Variants in PNPLA6 observed in about 807,000 individuals in gnomAD.
PNPLA6 encodes patatin like domain 6, lysophospholipase, also known as patatin-like phospholipase domain-containing protein 6.
In PNPLA6, 105 loss-of-function variants were observed where a neutral mutation model predicts 153.7. The ratio of observed to expected loss-of-function variants is 0.68; its 90% CI spans 0.58 to 0.80. The LOEUF is 0.80. Among genes scored for constraint, PNPLA6 ranks in the 30% least tolerant of loss-of-function variants. The pLI, the probability that PNPLA6 is intolerant of heterozygous loss-of-function variation, is 0.00. For missense variants in PNPLA6, 1,423 were observed against 1,919.3 expected, an observed-to-expected ratio of 0.74 and a Z score of 4.83; for synonymous variants, 825 against 822.2, an observed-to-expected ratio of 1.00 and a Z score of -0.06.
intron 21 of PNPLA6, 69 bp from the exon 22 acceptor site, chr19:7,554,823 CG>C: frequency 1.3e-6 from 2 of 1,569,522 alleles, no homozygotes; most frequent in Non-Finnish European, 1.7e-6. Context: ...TGGGGGTAGG[CG>C]ATCAGGGACC....
At position 7,560,674 on chromosome 19, in the gene PNPLA6, G is replaced by T. The variant is rs146121276; in HGVS notation, c.3726G>T (p.Ala1242=). ...ATGTGGGCTACCAGTACGGGAAGGC[G>T]GTGTTTGGAGGCTGGAGCCGTGGCA... ...IYDVGYQYGK[A]VFGGWSRGNV... The change falls in exon 29 of 32, where the codon GCG becomes GCT. Residue 1242 remains alanine, a synonymous_variant. Transcript: ENST00000600737. The T allele has an allele frequency of 3.2e-5, 51 of 1,613,516 alleles. No individual in the cohort carries two copies. The highest frequency in any genetic ancestry group is 1.6e-4 in the Middle Eastern group (1 of 6,084).
Position 7,540,099 on chromosome 19 carries a change from G to A in PNPLA6, c.554+41G>A, listed in dbSNP as rs375141952. 3 of 1,613,724 alleles carry A rather than the reference G, an allele frequency of 1.9e-6. No homozygotes were observed. The highest frequency in any genetic ancestry group is 2.5e-6 in the Non-Finnish European group (3 of 1,180,002). On this transcript the variant is annotated intron_variant, in intron 4 of 31. Coordinates refer to ENST00000600737, the MANE Select transcript of PNPLA6 (RefSeq NM_001166114.2). This position sits in a 1 kb window ranked among gnomAD's most constrained non-coding sequence, Gnocchi z 6.8. ...CAGGTGGGGGTGGAGGGCTGCAGACGTGGGGCCGCCCTGACCTCCAGCCTC... is the reference window on the plus strand; with the variant it reads ...CAGGTGGGGGTGGAGGGCTGCAGACATGGGGCCGCCCTGACCTCCAGCCTC...
chr19:7,552,323 T>C (rs541282640), intron 18 of PNPLA6, among the ~76,000 whole-genome samples: 1 of 152,282 alleles, frequency 6.6e-6, no homozygotes, highest in South Asian at 2.1e-4. Flanking sequence ...CCTGAGTTTC[T>C]ACATTGTGGT....
chr19:7,557,363 C>T, intron 27 of PNPLA6, 79 bp downstream of exon 27: 1 of 921,340 alleles, frequency 1.1e-6, no homozygotes, highest in Non-Finnish European at 1.8e-6. Context: ...CACACACAGA[C>T]AGGCTCGATG....
chr19:7,548,883 A>C (rs1184373820), intron 13 of PNPLA6, among the ~76,000 whole-genome samples: 1 of 149,042 alleles, frequency 6.7e-6, no homozygotes, highest in Non-Finnish European at 1.5e-5. Context: ...GCTCACTGCA[A>C]GCTCCTCCTC....
chr19:7,542,620 G>T lies in PNPLA6; in HGVS notation c.1312G>T (p.Val438Leu), dbSNP rs752915572. 5 of 1,613,614 alleles carry T rather than the reference G, an allele frequency of 3.1e-6. No individual in the cohort carries two copies. The highest frequency in any genetic ancestry group is 4.2e-6 in the Non-Finnish European group (5 of 1,179,996). The change falls in exon 11 of 32, where the codon GTG becomes TTG. Residue 438 changes from valine to leucine, a missense_variant. Val to Leu is a conservative substitution (Grantham distance 32). This residue lies in a region of PNPLA6 where 267 missense variants were observed against 255.1 expected (regional missense o/e 1.05). Coordinates refer to ENST00000600737, the MANE Select transcript of PNPLA6 (RefSeq NM_001166114.2). ...DMAYERGRIS[V>L]SLQEEASGGS... ...GGCCTATGAGCGTGGCCGGATCTCC[G>T]TGTCCCTGCAGGAAGAGGCCTCCGG... is the stretch of plus-strand genomic sequence containing the variant.
chr19:7,560,800 C>T, intron 29 of PNPLA6, 36 bp downstream of exon 29: 1 of 1,315,086 alleles, frequency 7.6e-7, no homozygotes, highest in Non-Finnish European at 1.1e-6. Context: ...ACTCTGACTC[C>T]ACTGATTACA....
At position 7,540,123 on chromosome 19, in the gene PNPLA6, T is replaced by C. The variant is rs374075198; in HGVS notation, c.555-26T>C. ...CGTGGGGCCGCCCTGACCTCCAGCC[T>C]CTGTCGCCCACCGCCTGTCCAACAG... is the stretch of plus-strand genomic sequence containing the variant. On this transcript the variant is annotated intron_variant, in intron 4 of 31. Transcript: ENST00000600737. This position sits in a 1 kb window ranked among gnomAD's most constrained non-coding sequence, Gnocchi z 6.8. 2.5e-6 allele frequency: 4 copies of C among 1,613,340 alleles called. No homozygotes were observed. Among genetic ancestry groups the C allele is most frequent in the Non-Finnish European group, 3.4e-6 (4 of 1,180,016 alleles).
In PNPLA6 at chr19:7,540,735, G is replaced by C. The variant is rs753721961; in HGVS notation, c.795+25G>C. Reference sequence around the variant, plus strand: ...CGTGAGTGACCAGTTTCTGAGGCAGGGGGGCTGGGGTGCAAGGTCCCACCC... The same window carrying C: ...CGTGAGTGACCAGTTTCTGAGGCAGCGGGGCTGGGGTGCAAGGTCCCACCC... On this transcript the variant is annotated intron_variant, in intron 6 of 31. Coordinates refer to ENST00000600737, the MANE Select transcript of PNPLA6 (RefSeq NM_001166114.2). The surrounding 1 kb of genome is among the most constrained non-coding windows in gnomAD (Gnocchi z 6.8). The C allele has an allele frequency of 6.3e-7, 1 of 1,595,874 alleles. No individual in the cohort carries two copies. The highest frequency in any genetic ancestry group is 8.6e-7 in the Non-Finnish European group (1 of 1,163,516).
At chr19:7,543,504 C>G (rs1450560784) in intron 13 of PNPLA6, among the ~76,000 whole-genome samples, 1 of 152,238 alleles carries the variant, frequency 6.6e-6, no homozygotes, top group Non-Finnish European at 1.5e-5. Flanking sequence ...TGAACCAGCC[C>G]TGGGTCGGGG....
chr19:7,561,721 A>T lies in PNPLA6; in HGVS notation c.*159A>T. The stretch of plus-strand genomic sequence containing the variant: ...TGAGCGGGGATGCAGTGTTGCACTG[A>T]TGACTTGACCAGCCCCTCCCCCAAT... On this transcript the variant is annotated 3_prime_UTR_variant, in exon 32 of 32. Coordinates refer to ENST00000600737, the MANE Select transcript of PNPLA6 (RefSeq NM_001166114.2). The T allele has an allele frequency of 1.4e-6, 1 of 704,288 alleles. No individual in the cohort carries two copies. Among genetic ancestry groups the T allele is most frequent in the East Asian group, 2.7e-5 (1 of 37,252 alleles). 43.6% of individuals were successfully genotyped at this position (704,288 alleles called of 1,614,324 possible).
intron 13 of PNPLA6, among the ~76,000 whole-genome samples, chr19:7,544,220 T>G (rs150427304): frequency 0.028 from 4,220 of 152,154 alleles, 62 homozygotes; most frequent in South Asian, 0.034. Flanking sequence ...CAAGCAATTC[T>G]CCTGCCTCAG....
intron 19 of PNPLA6, 44 bp downstream of exon 19, chr19:7,554,059 G>GGGC: frequency 2.0e-6 from 3 of 1,534,080 alleles, no homozygotes; most frequent in Non-Finnish European, 2.7e-6. Flanking sequence ...CGGTGGGTGG[G>GGGC]ACATTAGTGA....
At chr19:7,544,447 G>A (rs1599282156) in intron 13 of PNPLA6, among the ~76,000 whole-genome samples, 1 of 152,170 alleles carries the variant, frequency 6.6e-6, no homozygotes, top group Non-Finnish European at 1.5e-5. Flanking sequence ...ATTTCACAGG[G>A]TGCTGTTCCT....
At chr19:7,539,808 C>T in intron 3 of PNPLA6, 110 bp from the exon 4 acceptor site, 1 of 695,516 alleles carries the variant, frequency 1.4e-6, no homozygotes, top group South Asian at 1.7e-5. Flanking sequence ...GGCCAGCGGG[C>T]CAGAGTTTGC....
chr19:7,549,865 G>C lies in PNPLA6; in HGVS notation c.1609-42G>C, dbSNP rs761193310. On this transcript the variant is annotated intron_variant, in intron 13 of 31. Coordinates refer to ENST00000600737, the MANE Select transcript of PNPLA6 (RefSeq NM_001166114.2). Reference sequence around the variant, plus strand: ...CATGTTGACCTGAGCTGGGGTCCACGCTGTCCGGGTTCTGTGTTCATCACA... The same window carrying C: ...CATGTTGACCTGAGCTGGGGTCCACCCTGTCCGGGTTCTGTGTTCATCACA... 6 of 1,591,308 alleles carry C rather than the reference G, an allele frequency of 3.8e-6. No individual in the cohort carries two copies. The African/African-American group carries it at 8.1e-5, about 21-fold the overall frequency.
In PNPLA6 at chr19:7,556,454, G is replaced by C. The variant is rs377449787; in HGVS notation, c.3095G>C (p.Ser1032Thr). 3.7e-5 allele frequency: 59 copies of C among 1,602,150 alleles called. No homozygotes were observed. The highest frequency in any genetic ancestry group is 1.8e-4 in the East Asian group (8 of 44,822). Residue 1032 changes from serine to threonine, a missense_variant and splice_region_variant, in exon 25 of 32, where the codon AGC becomes ACC. Ser to Thr is a moderately conservative substitution (Grantham distance 58, BLOSUM62 1). Coordinates refer to ENST00000600737, the MANE Select transcript of PNPLA6 (RefSeq NM_001166114.2). Reference protein sequence around the residue: ...TKQRAREWAKSMTSVLEPVLD... With the variant: ...TKQRAREWAKTMTSVLEPVLD... ...CCCTGTCTGGCCCCTTGTCCCTAGA[G>C]CATGACTTCGGTGCTGGAACCTGTG...
chr19:7,542,829 G>T lies in PNPLA6; in HGVS notation c.1431G>T (p.Ser477=), dbSNP rs773018957. The change falls in exon 12 of 32, where the codon TCG becomes TCT. Residue 477 remains serine (S), a synonymous_variant. Transcript: ENST00000600737. Reference sequence around the variant, plus strand: ...AATACAGCTACTGTGAGGATGAGTCGGCCACTGGTGGCTGCCCTTTCGGGC... The same window carrying T: ...AATACAGCTACTGTGAGGATGAGTCTGCCACTGGTGGCTGCCCTTTCGGGC... The part of the protein sequence containing the change: ...ACEYSYCEDE[S]ATGGCPFGPY... 1 of 1,612,958 alleles carries T rather than the reference G, an allele frequency of 6.2e-7. No homozygotes were observed. Among genetic ancestry groups the T allele is most frequent in the East Asian group, 2.2e-5 (1 of 44,878 alleles).
rs2146086589 is a variant in PNPLA6, at chr19:7,549,979, G to A, written c.1681G>A (p.Val561Met). The change falls in exon 14 of 32, where the codon GTG (valine) becomes ATG (methionine). Residue 561 changes from valine to methionine, a missense_variant. Coordinates refer to ENST00000600737, the MANE Select transcript of PNPLA6 (RefSeq NM_001166114.2). ...GCGCATGATCGACAAGGCGGAGGAC[G>A]TGTGCCTGTTCGTAGCGCAGCCCGG... is the stretch of plus-strand genomic sequence containing the variant. ...YQRMIDKAED[V>M]CLFVAQPGEL... The A allele has an allele frequency of 6.2e-7, 1 of 1,613,972 alleles. No individual in the cohort carries two copies.
Sources: gnomAD v4.1 joint callset for allele counts (sites outside exome capture counted in the v4.1 genomes callset) on GRCh38, gnomAD v4.1.1 for gene constraint, gnomAD v4.1.1 regional missense constraint, Gnocchi (gnomAD v3.1) non-coding constraint, MANE v1.5 for transcripts, NCBI Gene and HGNC (gene_info 2026-07-23, HGNC 2026-07-21) for gene names.